The following TAB3 variants were observed in gnomAD, a reference collection of about 807,000 sequenced individuals.
TAB3 encodes TGF-beta-activated kinase 1 and MAP3K7-binding protein 3.
TAB3 carries 18 observed loss-of-function variants against 48.1 expected under a neutral mutation model. The ratio of observed to expected loss-of-function variants is 0.37; its 90% CI spans 0.26 to 0.55. The LOEUF (loss-of-function observed/expected upper bound fraction) is 0.55, where lower values mean the gene tolerates loss of function less well. TAB3 is among the 20% of genes least tolerant of loss of function. TAB3 has a pLI of 0.78. For synonymous variants in TAB3, 185 were observed against 190.2 expected (o/e 0.97, Z 0.22); for missense variants, 414 against 549.8 (o/e 0.75, Z 2.47).
intron 5 of TAB3, among the ~76,000 whole-genome samples, chrX:30,858,652 G>A (rs1270680738): frequency 9.0e-6 from 1 of 111,146 alleles, no homozygotes; most frequent in Non-Finnish European, 1.9e-5. Flanking sequence ...TAGAAGTACT[G>A]CTGCCCAAAG....
chrX:30,839,149 A>G (rs1191432798), intron 9 of TAB3, among the ~76,000 whole-genome samples: 1 of 111,757 alleles, frequency 8.9e-6, no homozygotes, highest in Non-Finnish European at 1.9e-5. Flanking sequence ...GATGCCCTTT[A>G]TGAGACTGAA....
Position 30,842,995 on chromosome X carries a change from G to T in TAB3, c.1859C>A (p.Pro620Gln). The T allele has an allele frequency of 8.4e-7, 1 of 1,187,902 alleles. No homozygotes were observed. Among genetic ancestry groups the T allele is most frequent in the Non-Finnish European group, 1.1e-6 (1 of 882,183 alleles). Residue 620 changes from proline (P) to glutamine (Q), a missense_variant, in exon 9 of 11, where the codon CCA (proline) becomes CAA (glutamine). Pro to Gln is a moderately conservative substitution (Grantham distance 76, BLOSUM62 -1). Coordinates refer to ENST00000288422, the MANE Select transcript of TAB3 (RefSeq NM_152787.5). ...TTTAGATGGCTTGGGTGGTACAACT[G>T]GGCCAGGTTCTATGTTGTCATAAAA... ...NNFYDNIEPG[P>Q]VVPPKPSKKD...
At chrX:30,871,976 T>C (rs1939675725) in intron 1 of TAB3, among the ~76,000 whole-genome samples, 175 bp from the exon 2 acceptor site, 1 of 112,320 alleles carries the variant, frequency 8.9e-6, no homozygotes, top group African/African-American at 3.2e-5. Context: ...GAGAAAGTTT[T>C]CCTGACTGCC....
At chrX:30,840,640 G>A (rs1938405903) in intron 9 of TAB3, among the ~76,000 whole-genome samples, 1 of 110,957 alleles carries the variant, frequency 9.0e-6, no homozygotes, top group African/African-American at 3.3e-5. Flanking sequence ...TTATTATAAG[G>A]GAGAGTTTTC....
chrX:30,843,599 C>T (rs895969057), intron 8 of TAB3: 7 of 111,839 alleles, frequency 6.3e-5, no homozygotes, highest in African/African-American at 1.6e-4. Flanking sequence ...ATAACATCAG[C>T]AGTTTATGTA....
intron 4 of TAB3, among the ~76,000 whole-genome samples, chrX:30,866,123 CTAT>C (rs1187814166): frequency 6.3e-5 from 7 of 111,561 alleles, no homozygotes; most frequent in Non-Finnish European, 5.6e-5. Flanking sequence ...AAGAGATATA[CTAT>C]GAGACTGAAA....
At chrX:30,849,095 T>C (rs940157973) in intron 7 of TAB3, among the ~76,000 whole-genome samples, 9 of 112,448 alleles carry the variant, frequency 8.0e-5, no homozygotes, top group African/African-American at 2.9e-4. Context: ...AAAGTACTTA[T>C]ATTGTTACCA....
rs1443618106 is a variant in TAB3, at chrX:30,829,605, AGTT to A, written c.*1819_*1821del. ...ACCGTTATTTTCACAGTTTTGCCACAGTTGTTGTGTGAGAGATGTTTTTATCAG... is the reference window on the plus strand; with the variant it reads ...ACCGTTATTTTCACAGTTTTGCCACAGTTGTGTGAGAGATGTTTTTATCAG... On this transcript the variant is annotated 3_prime_UTR_variant, in exon 11 of 11. Transcript: ENST00000288422. 3 of 111,575 alleles carry A rather than the reference AGTT, an allele frequency of 2.7e-5. No homozygotes were observed. The highest frequency in any genetic ancestry group is 5.6e-4 in the East Asian group (2 of 3,559). 9.2% of individuals were successfully genotyped at this position (111,575 alleles called of 1,213,427 possible). A position where few individuals can be genotyped will look rare whatever the true frequency, so the allele number is the denominator to read the frequency against.
chrX:30,831,534 G>A lies in TAB3; in HGVS notation c.2032C>T (p.Arg678Ter), dbSNP rs1938032195. ...GSTQSPRTQP[R>*]DEDYEGAPWN... ...GGAGCCCCTTCGTAGTCTTCATCTC[G>A]AGGTTGTGTCCGAGGACTTTGTGTG... The change falls in exon 11 of 11, where the codon CGA (arginine) becomes TGA (stop). Residue 678 changes from arginine (R) to a stop codon, truncating the protein, a stop_gained. Coordinates refer to ENST00000288422, the MANE Select transcript of TAB3 (RefSeq NM_152787.5). LOFTEE classifies it high-confidence loss of function. The A allele has an allele frequency of 1.7e-6, 2 of 1,211,284 alleles. No homozygotes were observed. The highest frequency in any genetic ancestry group is 2.2e-6 in the Non-Finnish European group (2 of 895,374).
In TAB3 at chrX:30,854,153, ACTT is replaced by A. The variant is rs1569212746; in HGVS notation, c.1509_1511del (p.Arg503del). 2 of 1,206,420 alleles carry A rather than the reference ACTT, an allele frequency of 1.7e-6. No individual in the cohort carries two copies. ...CATAGTCATCTGATCCAGAACTAGA[ACTT>A]CTCTGATATTTATGGCTTCCCTTTT... On this transcript the variant is annotated inframe_deletion, in exon 6 of 11. Transcript: ENST00000288422.
At chrX:30,853,064 T>C in intron 6 of TAB3, 126 bp from the exon 7 acceptor site, 1 of 662,255 alleles carries the variant, frequency 1.5e-6, no homozygotes, top group South Asian at 3.0e-5. Flanking sequence ...CTCTCATGTC[T>C]TTCTAATGCT....
intron 1 of TAB3, among the ~76,000 whole-genome samples, chrX:30,880,898 C>G (rs1438225406): frequency 9.0e-6 from 1 of 111,319 alleles, no homozygotes; most frequent in Admixed American, 9.6e-5. Context: ...CTTATCCAAT[C>G]TAAACTGTAA....
In TAB3 at chrX:30,855,461, TCTATTCATC is replaced by T; in HGVS notation, c.195_203del (p.Met66_Arg68del). 8.3e-7 allele frequency: 1 copy of T among 1,211,664 alleles called. No homozygotes were observed. The highest frequency in any genetic ancestry group is 1.1e-6 in the Non-Finnish European group (1 of 895,388). On this transcript the variant is annotated inframe_deletion, in exon 6 of 11. Transcript: ENST00000288422. ...CCAGGTTAATATGTAAAAGGCGATT[TCTATTCATC>T]CTATTGTCATCTGGACTATGGTATT...
rs1379794340 is a variant in TAB3, at chrX:30,828,011, T to C, written c.*3416A>G. The C allele has an allele frequency of 8.9e-6, 1 of 112,303 alleles. No homozygotes were observed. Among genetic ancestry groups the C allele is most frequent in the Non-Finnish European group, 1.9e-5 (1 of 53,194 alleles). 9.3% of individuals were successfully genotyped at this position (112,303 alleles called of 1,213,427 possible). ...TCATTTTTCTTTCTCTACAGATAGA[T>C]ATACAGACACACACGGTAACATGGA... On this transcript the variant is annotated 3_prime_UTR_variant, in exon 11 of 11. Coordinates refer to ENST00000288422, the MANE Select transcript of TAB3 (RefSeq NM_152787.5).
In TAB3 at chrX:30,830,936, G is replaced by C. The variant is rs997527559; in HGVS notation, c.*491C>G. Reference sequence around the variant, plus strand: ...TGCCCCCCCCCCCCAAATATTCTAGGTGCTTTTTCCTGTTGTCCTCTTTAG... The same window carrying C: ...TGCCCCCCCCCCCCAAATATTCTAGCTGCTTTTTCCTGTTGTCCTCTTTAG... On this transcript the variant is annotated 3_prime_UTR_variant, in exon 11 of 11. Coordinates refer to ENST00000288422, the MANE Select transcript of TAB3 (RefSeq NM_152787.5). 2.6e-5 allele frequency: 2 copies of C among 75,593 alleles called. No individual in the cohort carries two copies. Among genetic ancestry groups the C allele is most frequent in the Non-Finnish European group, 4.8e-5 (2 of 41,342 alleles). The allele number at this position is 75,593 out of a possible 1,213,427, so 6.2% of individuals were successfully genotyped here.
At chrX:30,847,629 A>C (rs892407337) in intron 7 of TAB3, among the ~76,000 whole-genome samples, 1 of 110,772 alleles carries the variant, frequency 9.0e-6, no homozygotes, top group African/African-American at 3.3e-5. Flanking sequence ...ATAACATATA[A>C]AGTGAAAAAT....
At chrX:30,885,505 C>T (rs1940105109) in intron 1 of TAB3, among the ~76,000 whole-genome samples, 1 of 111,664 alleles carries the variant, frequency 9.0e-6, no homozygotes, top group Non-Finnish European at 1.9e-5. Context: ...CCACAGACCT[C>T]GGCTTCCACT....
At chrX:30,850,594 C>T (rs1049647376) in intron 7 of TAB3, among the ~76,000 whole-genome samples, 2 of 108,687 alleles carry the variant, frequency 1.8e-5, no homozygotes, top group Non-Finnish European at 3.8e-5. Context: ...CTCCTGTAAT[C>T]GCAGCTACTC....
At position 30,854,908 on chromosome X, in the gene TAB3, A is replaced by T. The variant is rs1407351831; in HGVS notation, c.757T>A (p.Ser253Thr). 8.3e-7 allele frequency: 1 copy of T among 1,207,872 alleles called. No homozygotes were observed. Among genetic ancestry groups the T allele is most frequent in the Non-Finnish European group, 1.1e-6 (1 of 894,176 alleles). Reference protein sequence around the residue: ...QTPQSTPWQSSPQGPVPHYSQ... With the variant: ...QTPQSTPWQSTPQGPVPHYSQ... Reference sequence around the variant, plus strand: ...TAGTGAGGCACTGGGCCCTGTGGTGAGGACTGCCACGGCGTACTCTGAGGA... The same window carrying T: ...TAGTGAGGCACTGGGCCCTGTGGTGTGGACTGCCACGGCGTACTCTGAGGA... Residue 253 changes from serine to threonine, a missense_variant, in exon 6 of 11, where the codon TCA becomes ACA. Physicochemically the swap from Ser to Thr is moderately conservative, Grantham distance 58. Transcript: ENST00000288422.
Sources: gnomAD v4.1 joint callset for allele counts (sites outside exome capture counted in the v4.1 genomes callset) on GRCh38, gnomAD v4.1.1 for gene constraint, MANE v1.5 for transcripts, NCBI Gene and HGNC (gene_info 2026-07-23, HGNC 2026-07-21) for gene names.